Variants in TUBA3D observed in about 807,000 individuals in gnomAD.
TUBA3D encodes tubulin alpha 3d, also known as tubulin alpha-3D chain.
A neutral mutation model predicts 36.1 loss-of-function variants in TUBA3D; 24 were observed. The observed-to-expected ratio is 0.66, with a 90% CI of 0.48 to 0.93. The LOEUF (loss-of-function observed/expected upper bound fraction) is 0.93, where lower values mean the gene tolerates loss of function less well. Among genes scored for constraint, TUBA3D ranks in the 40% least tolerant of loss-of-function variants. The pLI, the probability that TUBA3D is intolerant of heterozygous loss-of-function variation, is 0.00. For synonymous variants in TUBA3D, 185 were observed against 247.2 expected (o/e 0.75, Z 2.36); for missense variants, 356 against 614.5 (o/e 0.58, Z 4.45).
At position 131,479,349 on chromosome 2, in the gene TUBA3D, G is replaced by A; in HGVS notation, c.268G>A (p.Glu90Lys). The change falls in exon 3 of 5, where the codon GAG (glutamate) becomes AAG (lysine). Residue 90 changes from glutamate (E) to lysine (K), a missense_variant. Around this residue, in one of 3 missense-constraint regions of TUBA3D, gnomAD observed 109 missense variants for 153.7 expected, o/e 0.71. Coordinates refer to ENST00000321253, the MANE Select transcript of TUBA3D (RefSeq NM_080386.4). ...GACCTACAGGCAGCTCTTCCACCCG[G>A]AGCAGCTGATCACCGGGAAGGAAGA... ...TGTYRQLFHP[E>K]QLITGKEDAA... 1.2e-6 allele frequency: 2 copies of A among 1,614,122 alleles called. No individual in the cohort carries two copies. The highest frequency in any genetic ancestry group is 1.7e-6 in the Non-Finnish European group (2 of 1,180,026).
At chr2:131,479,486 T>G (rs7424438) in intron 3 of TUBA3D, 30 bp downstream of exon 3, 104,395 of 1,500,604 alleles carry the variant, frequency 0.07, 11,571 homozygotes, top group African/African-American at 0.41. Flanking sequence ...TGTGGCCATT[T>G]TCTTGCATGG....
intron 1 of TUBA3D, among the ~76,000 whole-genome samples, chr2:131,477,090 C>T (rs558344974): frequency 1.1e-4 from 17 of 150,830 alleles, no homozygotes; most frequent in Admixed American, 9.9e-4. Flanking sequence ...CAGGCTGGAG[C>T]ACAGTTGCAG....
Position 131,480,523 on chromosome 2 carries a change from C to G in TUBA3D, c.830C>G (p.Ser277Ter), listed in dbSNP as rs757668059. The stretch of plus-strand genomic sequence containing the variant: ...CTGGCCACCTATGCCCCAGTCATCT[C>G]AGCTGAGAAGGCCTACCACGAGCAG... Reference protein sequence around the residue: ...FPLATYAPVISAEKAYHEQLS... With the variant: ...FPLATYAPVI Residue 277 changes from serine to a stop codon, truncating the protein, a stop_gained, in exon 4 of 5, where the codon TCA becomes TGA. Transcript: ENST00000321253. LOFTEE classifies it high-confidence loss of function. The G allele has an allele frequency of 6.2e-7, 1 of 1,604,586 alleles. No individual in the cohort carries two copies. Among genetic ancestry groups the G allele is most frequent in the Non-Finnish European group, 8.5e-7 (1 of 1,178,236 alleles).
intron 1 of TUBA3D, among the ~76,000 whole-genome samples, chr2:131,477,045 T>TTTG (rs1678699523): frequency 6.7e-6 from 1 of 149,048 alleles, no homozygotes; most frequent in African/African-American, 2.5e-5. Flanking sequence ...TTCTTTTTTT[T>TTTG]TTTTGAGACA....
rs200054019 is a variant in TUBA3D, at chr2:131,476,220, C to G, written c.3+18C>G. 7 of 1,613,890 alleles carry G rather than the reference C, an allele frequency of 4.3e-6. No individual in the cohort carries two copies. ...TCGCCATGGTAAGGCCCGGGTCACT[C>G]CCGCCCCGCAGATGCCCAGGCAGAC... On this transcript the variant is annotated intron_variant, in intron 1 of 4. Transcript: ENST00000321253.
At chr2:131,479,667 CTA>C (rs769463171) in intron 3 of TUBA3D, among the ~76,000 whole-genome samples, 20 of 152,154 alleles carry the variant, frequency 1.3e-4, no homozygotes, top group Non-Finnish European at 2.8e-4. Context: ...TGGTGAAACT[CTA>C]TGTCTACTAA....
intron 1 of TUBA3D, 118 bp downstream of exon 1, chr2:131,476,320 G>C: frequency 6.4e-7 from 1 of 1,551,862 alleles, no homozygotes; most frequent in South Asian, 1.2e-5. Flanking sequence ...AAGGACGCAG[G>C]GTCTAGTGCG....
rs571441485 is a variant in TUBA3D at position 131,476,856 on chromosome 2, G to T, written c.3+654G>T. On this transcript the variant is annotated intron_variant, in intron 1 of 4. Transcript: ENST00000321253. ...AGGCTGAGGTGGGAGGATCAGCCGA[G>T]CCTGGAACTTTGAGGCTGCAGTGAG... is the stretch of plus-strand genomic sequence containing the variant. 5.2e-4 allele frequency among the ~76,000 whole-genome samples: 78 copies of T among 150,088 alleles called. 2 individuals carry two copies. The South Asian group carries it at 0.016, about 31-fold the overall frequency.
At chr2:131,476,671 C>T (rs1247272439) in intron 1 of TUBA3D, among the ~76,000 whole-genome samples, 1 of 152,172 alleles carries the variant, frequency 6.6e-6, no homozygotes. Context: ...CGGCGGCTCA[C>T]GCCTGGAATC....
At position 131,482,819 on chromosome 2, in the gene TUBA3D, G is replaced by A. The variant is rs1180622767; in HGVS notation, c.1324G>A (p.Ala442Thr). ...YEEVGVDSVE[A>T]EAEEGEEY ...AGAGGTGGGCGTGGATTCCGTGGAA[G>A]CTGAGGCTGAAGAAGGCGAAGAATA... The change falls in exon 5 of 5, where the codon GCT becomes ACT. Residue 442 changes from alanine to threonine, a missense_variant. Around this residue, in one of 3 missense-constraint regions of TUBA3D, gnomAD observed 156 missense variants for 219.8 expected, o/e 0.71. Transcript: ENST00000321253. The A allele has an allele frequency of 4.3e-6, 7 of 1,614,076 alleles. No homozygotes were observed. The Admixed American group carries it at 8.3e-5, about 19-fold the overall frequency.
chr2:131,480,349 T>G lies in TUBA3D; in HGVS notation c.656T>G (p.Ile219Ser). 1.2e-6 allele frequency: 2 copies of G among 1,611,218 alleles called. No individual in the cohort carries two copies. Residue 219 changes from isoleucine to serine, a missense_variant, in exon 4 of 5, where the codon ATT (isoleucine) becomes AGT (serine). Around this residue, in one of 3 missense-constraint regions of TUBA3D, gnomAD observed 91 missense variants for 240.9 expected, o/e 0.38. Coordinates refer to ENST00000321253, the MANE Select transcript of TUBA3D (RefSeq NM_080386.4). The part of the protein sequence containing the change: ...IYDICRRNLD[I>S]ERPTYTNLNR... ...GACATATGTCGGCGCAACCTGGACATTGAACGTCCCACGTACACCAACCTC... is the reference window on the plus strand; with the variant it reads ...GACATATGTCGGCGCAACCTGGACAGTGAACGTCCCACGTACACCAACCTC...
At chr2:131,478,686 A>G in intron 2 of TUBA3D, 2 of 517,720 alleles carry the variant, frequency 3.9e-6, no homozygotes, top group East Asian at 3.3e-5. Context: ...TGCAGGGTGC[A>G]GTGGCATTGG....
At chr2:131,478,682 G>T (rs1202560734) in intron 2 of TUBA3D, 1 of 525,412 alleles carries the variant, frequency 1.9e-6, no homozygotes, top group African/African-American at 1.9e-5. Flanking sequence ...TGCCTGCAGG[G>T]TGCAGTGGCA....
At chr2:131,476,573 C>A (rs1309264495) in intron 1 of TUBA3D, among the ~76,000 whole-genome samples, 1 of 152,164 alleles carries the variant, frequency 6.6e-6, no homozygotes, top group African/African-American at 2.4e-5. Context: ...GGGGTTGGGG[C>A]TGTGGACATT....
intron 1 of TUBA3D, 125 bp downstream of exon 1, chr2:131,476,327 T>G (rs1183253179): frequency 1.3e-6 from 2 of 1,532,386 alleles, no homozygotes; most frequent in Admixed American, 1.8e-5. Context: ...CAGGGTCTAG[T>G]GCGGGACAGG....
chr2:131,477,246 C>T (rs78324338), intron 1 of TUBA3D, among the ~76,000 whole-genome samples: 1,966 of 151,868 alleles, frequency 0.013, 14 homozygotes, highest in Admixed American at 0.021. Flanking sequence ...CTATGTTACC[C>T]AGGCTGGTCT....
At chr2:131,481,964 A>C (rs1048556700) in intron 4 of TUBA3D, among the ~76,000 whole-genome samples, 4 of 152,198 alleles carry the variant, frequency 2.6e-5, no homozygotes, top group African/African-American at 9.7e-5. Flanking sequence ...CGAGTTCTGA[A>C]ACTTGGAATG....
chr2:131,478,962 C>T lies in TUBA3D; in HGVS notation c.227-346C>T, dbSNP rs1171798831. The stretch of plus-strand genomic sequence containing the variant: ...AGAAGTCACACTGACCTGGTGACTG[C>T]CCAGGTTGTAAGAGTTTCTAACTTA... On this transcript the variant is annotated intron_variant, in intron 2 of 4. Transcript: ENST00000321253. Among the ~76,000 whole-genome samples the T allele has an allele frequency of 2.0e-5, 3 of 152,008 alleles. No homozygotes were observed. The South Asian group carries it at 6.2e-4, about 31-fold the overall frequency.
rs1678775478 is a variant in TUBA3D, at chr2:131,479,395, G to A, written c.314G>A (p.Arg105Lys). 4.3e-6 allele frequency: 7 copies of A among 1,614,184 alleles called. No homozygotes were observed. The East Asian group carries it at 1.6e-4, about 36-fold the overall frequency. ...GKEDAANNYARGHYTIGKEIV... is the reference protein window; with the variant it reads ...GKEDAANNYAKGHYTIGKEIV... ...GAAGATGCAGCCAATAATTACGCCA[G>A]GGGCCATTACACCATCGGCAAGGAG... The change falls in exon 3 of 5, where the codon AGG (arginine) becomes AAG (lysine). Residue 105 changes from arginine to lysine, a missense_variant. Physicochemically the swap from Arg to Lys is conservative, Grantham distance 26 (BLOSUM62 2). Around this residue, in one of 3 missense-constraint regions of TUBA3D, gnomAD observed 109 missense variants for 153.7 expected, o/e 0.71. Coordinates refer to ENST00000321253, the MANE Select transcript of TUBA3D (RefSeq NM_080386.4).
Sources: allele counts gnomAD v4.1 joint callset (sites outside exome capture counted in the v4.1 genomes callset), GRCh38; gene constraint gnomAD v4.1.1; regional missense constraint gnomAD v4.1.1; transcripts MANE v1.5; gene names NCBI Gene and HGNC (gene_info 2026-07-23, HGNC 2026-07-21).